Variants in CCDC39 observed in about 807,000 individuals in gnomAD.
CCDC39 encodes the protein coiled-coil domain 39 molecular ruler complex subunit.
A neutral mutation model predicts 121.0 loss-of-function variants in CCDC39; 113 were observed. The ratio of observed to expected loss-of-function variants is 0.93; its 90% CI spans 0.80 to 1.09. The LOEUF (loss-of-function observed/expected upper bound fraction) is 1.09, where lower values mean the gene tolerates loss of function less well. Among genes scored for constraint, CCDC39 ranks in the 50% least tolerant of loss-of-function variants. CCDC39 has a pLI of 0.00. For synonymous variants in CCDC39, 349 were observed against 352.2 expected, an observed-to-expected ratio of 0.99 and a Z score of 0.10; for missense variants, 1,063 against 1,074.7, an observed-to-expected ratio of 0.99 and a Z score of 0.15.
At chr3:180,636,802 C>G (rs916616963) in intron 13 of CCDC39, among the ~76,000 whole-genome samples, 16 of 152,118 alleles carry the variant, frequency 1.1e-4, no homozygotes, top group African/African-American at 3.9e-4. Flanking sequence ...TCATCTTTAA[C>G]AAAACTGAGA....
intron 1 of CCDC39, among the ~76,000 whole-genome samples, chr3:180,671,036 A>T (rs1712030043): frequency 3.3e-5 from 5 of 151,914 alleles, no homozygotes; most frequent in Admixed American, 3.3e-4. Context: ...ACATGGCAAA[A>T]CCCTGTGTCT....
At chr3:180,658,316 C>A (rs1711638519) in intron 6 of CCDC39, among the ~76,000 whole-genome samples, 1 of 151,126 alleles carries the variant, frequency 6.6e-6, no homozygotes, top group African/African-American at 2.4e-5. Context: ...AGAACCTCTG[C>A]CAGGCGCGGT....
chr3:180,619,543 GCAA>G, intron 15 of CCDC39, among the ~76,000 whole-genome samples, 178 bp from the exon 16 acceptor site: 2 of 151,956 alleles, frequency 1.3e-5, no homozygotes, highest in Non-Finnish European at 2.9e-5. Context: ...ACATAGAGCA[GCAA>G]TATGCTGCCA....
At chr3:180,668,351 C>A (rs1432236627) in intron 1 of CCDC39, among the ~76,000 whole-genome samples, 1 of 152,000 alleles carries the variant, frequency 6.6e-6, no homozygotes, top group Non-Finnish European at 1.5e-5. Flanking sequence ...TGCACTCTAG[C>A]CTGCGCAAAA....
intron 3 of CCDC39, among the ~76,000 whole-genome samples, chr3:180,661,247 C>T (rs1245281507): frequency 2.0e-5 from 3 of 151,794 alleles, no homozygotes; most frequent in Non-Finnish European, 4.4e-5. Flanking sequence ...TATATTTAGT[C>T]ACTTAACAAA....
rs115952495 is a variant in CCDC39 at position 180,661,985 on chromosome 3, C to T, written c.233G>A (p.Arg78His). ...AAAATGTTCTTCACTTTCAGTCTCACGCTCCCTTGCTTTGCAAAGAGACTA... is the reference window on the plus strand; with the variant it reads ...AAAATGTTCTTCACTTTCAGTCTCATGCTCCCTTGCTTTGCAAAGAGACTA... ...ITQSLCKARE[R>H]ETESEEHFKA... is the part of the protein sequence containing the mutation. Residue 78 changes from arginine (R) to histidine (H), a missense_variant, in exon 3 of 20, where the codon CGT becomes CAT. Coordinates refer to ENST00000476379, the MANE Select transcript of CCDC39 (RefSeq NM_181426.2). 10,042 of 1,552,978 alleles carry T rather than the reference C, an allele frequency of 6.5e-3. 60 individuals carry two copies. The highest frequency in any genetic ancestry group is 0.018 in the South Asian group (1,488 of 83,822).
chr3:180,651,427 G>C lies in CCDC39; in HGVS notation c.1141C>G (p.Leu381Val), dbSNP rs1013459246. The change falls in exon 9 of 20, where the codon CTA becomes GTA. Residue 381 changes from leucine to valine, a missense_variant. Coordinates refer to ENST00000476379, the MANE Select transcript of CCDC39 (RefSeq NM_181426.2). ...EEKATNLEDM[L>V]KEEEKDVKEV... is the part of the protein sequence containing the mutation. ...TTCACATCTTTTTCCTCCTCCTTTA[G>C]CATATCTTCCAAATTAGTAGCTTTC... 1 of 1,558,414 alleles carries C rather than the reference G, an allele frequency of 6.4e-7. No individual in the cohort carries two copies.
intron 1 of CCDC39, among the ~76,000 whole-genome samples, chr3:180,676,866 T>TCA (rs1420953505): frequency 2.6e-5 from 4 of 151,790 alleles, no homozygotes; most frequent in Admixed American, 2.6e-4. Flanking sequence ...CTGGAAACTA[T>TCA]CATTCTTAGC....
chr3:180,643,722 G>A (rs190304304), intron 12 of CCDC39, among the ~76,000 whole-genome samples: 1 of 152,180 alleles, frequency 6.6e-6, no homozygotes, highest in African/African-American at 2.4e-5. Context: ...CTGAATAACT[G>A]CACAATGAAC....
rs1376451852 is a variant in CCDC39 at position 180,631,435 on chromosome 3, C to T, written c.1998+34G>A. The stretch of plus-strand genomic sequence containing the variant: ...ATGAATGAGTTAACAAAGAAAATTT[C>T]ATACCATCACAACTGTGAATCAATT... On this transcript the variant is annotated intron_variant, in intron 14 of 19. Transcript: ENST00000476379. The T allele has an allele frequency of 3.9e-6, 6 of 1,553,580 alleles. No individual in the cohort carries two copies. In the African/African-American group the frequency reaches 4.1e-5, roughly 11 times the overall value.
chr3:180,631,461 A>T lies in CCDC39; in HGVS notation c.1998+8T>A. ...ATACCATCACAACTGTGAATCAATTAAAATTACCTTTATTACATAATAGGC... is the reference window on the plus strand; with the variant it reads ...ATACCATCACAACTGTGAATCAATTTAAATTACCTTTATTACATAATAGGC... On this transcript the variant is annotated splice_region_variant and intron_variant, in intron 14 of 19. Coordinates refer to ENST00000476379, the MANE Select transcript of CCDC39 (RefSeq NM_181426.2). 1 of 1,596,262 alleles carries T rather than the reference A, an allele frequency of 6.3e-7. No individual in the cohort carries two copies. Among genetic ancestry groups the T allele is most frequent in the African/African-American group, 1.3e-5 (1 of 74,754 alleles).
chr3:180,621,194 C>A (rs1292414925), intron 14 of CCDC39, among the ~76,000 whole-genome samples: 1 of 152,128 alleles, frequency 6.6e-6, no homozygotes, highest in Admixed American at 6.6e-5. Context: ...GAATCCACAT[C>A]TTTGCTATTG....
At chr3:180,671,674 C>T (rs77527201) in intron 1 of CCDC39, among the ~76,000 whole-genome samples, 5,753 of 152,248 alleles carry the variant, frequency 0.038, 370 homozygotes, top group African/African-American at 0.13. Flanking sequence ...GATTGTCCTT[C>T]CTCAGCCTCC....
Position 180,655,550 on chromosome 3 carries a change from A to G in CCDC39, c.739-597T>C, listed in dbSNP as rs574526420. The stretch of plus-strand genomic sequence containing the variant: ...TTTCCAGGATAGGGAAGAAAAAAAA[A>G]AAGAAAAAGAAAAAGTAGAAGAAGA... On this transcript the variant is annotated intron_variant, in intron 6 of 19. Coordinates refer to ENST00000476379, the MANE Select transcript of CCDC39 (RefSeq NM_181426.2). Among the ~76,000 whole-genome samples, 17 of 152,070 alleles carry G rather than the reference A, an allele frequency of 1.1e-4. No individual in the cohort carries two copies. The East Asian group carries it at 3.3e-3, about 29-fold the overall frequency.
At position 180,617,760 on chromosome 3, in the gene CCDC39, TAAA is replaced by T. The variant is rs1416135516; in HGVS notation, c.2266-797_2266-795del. 9 of 340,446 alleles carry T rather than the reference TAAA, an allele frequency of 2.6e-5. No homozygotes were observed. The South Asian group carries it at 4.5e-4, about 17-fold the overall frequency. 21.1% of individuals were successfully genotyped at this position (340,446 alleles called of 1,614,324 possible). ...TTACAAAATTAAAAATGTTTAAAGT[TAAA>T]AAGCTCTAGGAAGCTAAGGTCAATT... On this transcript the variant is annotated intron_variant, in intron 16 of 19. Coordinates refer to ENST00000476379, the MANE Select transcript of CCDC39 (RefSeq NM_181426.2).
At chr3:180,636,787 C>G (rs1338558716) in intron 13 of CCDC39, among the ~76,000 whole-genome samples, 1 of 149,856 alleles carries the variant, frequency 6.7e-6, no homozygotes, top group East Asian at 2.0e-4. Context: ...ATCCCTACCA[C>G]CATCTCATCT....
intron 1 of CCDC39, among the ~76,000 whole-genome samples, chr3:180,664,189 G>A (rs1398184975): frequency 1.3e-5 from 2 of 152,202 alleles, no homozygotes; most frequent in Non-Finnish European, 2.9e-5. Context: ...AGGCTAGGAA[G>A]TCCAGGATCA....
chr3:180,614,054 A>T lies in CCDC39; in HGVS notation c.*867T>A. ...AAAATCCAGTTTTATAATATTCCAC[A>T]CTCTATTCCAAGAGTACAAAGTGTT... On this transcript the variant is annotated 3_prime_UTR_variant, in exon 20 of 20. Transcript: ENST00000476379. 3.2e-6 allele frequency: 1 copy of T among 310,722 alleles called. No individual in the cohort carries two copies. Among genetic ancestry groups the T allele is most frequent in the South Asian group, 2.8e-5 (1 of 36,032 alleles). The allele number at this position is 310,722 out of a possible 1,614,324, so 19.2% of individuals were successfully genotyped here. A position where few individuals can be genotyped will look rare whatever the true frequency, so the allele number is the denominator to read the frequency against.
intron 14 of CCDC39, among the ~76,000 whole-genome samples, chr3:180,620,539 G>A (rs1328697842): frequency 1.3e-5 from 2 of 151,842 alleles, no homozygotes; most frequent in Non-Finnish European, 2.9e-5. Flanking sequence ...TTTCTACCAG[G>A]GTAATGCTGT....
Sources: allele counts gnomAD v4.1 joint callset (sites outside exome capture counted in the v4.1 genomes callset), GRCh38; gene constraint gnomAD v4.1.1; transcripts MANE v1.5; gene names NCBI Gene and HGNC (gene_info 2026-07-23, HGNC 2026-07-21).